The following RYR3 variants were observed in gnomAD, a reference collection of about 807,000 sequenced individuals.
RYR3 encodes brain ryanodine receptor-calcium release channel.
Under a neutral mutation model 584.3 loss-of-function variants are expected in RYR3, and 207 were observed. The ratio of observed to expected loss-of-function variants is 0.35; its 90% confidence interval spans 0.32 to 0.40. The LOEUF is 0.40. RYR3 is among the 10% of genes least tolerant of loss of function. The probability of loss-of-function intolerance (pLI) is 1.00; values close to 1 mark genes in which losing one functional copy is unlikely to be tolerated. For missense variants in RYR3, 5,616 were observed against 6,089.2 expected (o/e 0.92, Z 2.59); for synonymous variants, 2,416 against 2,248.5 (o/e 1.07, Z -2.11).
At chr15:33,798,222 G>A (rs1288940908) in intron 67 of RYR3, among the ~76,000 whole-genome samples, 2 of 151,948 alleles carry the variant, frequency 1.3e-5, no homozygotes, top group African/African-American at 4.8e-5. Context: ...CCAAGTAGCT[G>A]GGATTATAGG....
At chr15:33,387,639 A>C (rs2041701160) in intron 1 of RYR3, among the ~76,000 whole-genome samples, 1 of 142,002 alleles carries the variant, frequency 7.0e-6, no homozygotes, top group African/African-American at 2.6e-5. Flanking sequence ...ACACAAGATG[A>C]ATAGGCAGGA....
intron 3 of RYR3, 98 bp from the exon 4 acceptor site, chr15:33,530,493 CT>C: frequency 1.2e-6 from 1 of 829,240 alleles, no homozygotes. Flanking sequence ...TGCAATGGGT[CT>C]TTTCCTGGTA....
intron 48 of RYR3, among the ~76,000 whole-genome samples, chr15:33,733,373 T>A (rs1247765285): frequency 1.3e-5 from 2 of 152,184 alleles, no homozygotes; most frequent in Non-Finnish European, 2.9e-5. Flanking sequence ...GGCGAATGGA[T>A]AAATAAACTG....
chr15:33,666,325 C>T (rs563545051), intron 36 of RYR3, among the ~76,000 whole-genome samples: 18 of 152,190 alleles, frequency 1.2e-4, no homozygotes, highest in Admixed American at 3.9e-4. Flanking sequence ...GTTTCTAATA[C>T]GGTATGTCTA....
At chr15:33,461,090 A>G (rs971161917) in intron 1 of RYR3, among the ~76,000 whole-genome samples, 17 of 150,898 alleles carry the variant, frequency 1.1e-4, no homozygotes, top group African/African-American at 2.4e-4. Flanking sequence ...AACTACAGGC[A>G]CCCGCCACCA....
chr15:33,794,962 GCCATGCATGCAATC>G (rs2075506169), intron 67 of RYR3, among the ~76,000 whole-genome samples: 1 of 152,144 alleles, frequency 6.6e-6, no homozygotes, highest in African/African-American at 2.4e-5. Context: ...GGACAGCATT[GCCATGCATGCAATC>G]CCATTCTGGT....
Position 33,613,271 on chromosome 15 carries a change from C to T in RYR3, c.2253C>T (p.Pro751=). 1 of 1,613,944 alleles carries T rather than the reference C, an allele frequency of 6.2e-7. No homozygotes were observed. The highest frequency in any genetic ancestry group is 8.5e-7 in the Non-Finnish European group (1 of 1,179,860). Residue 751 remains proline (P), a synonymous_variant, in exon 19 of 104, where the codon CCC becomes CCT. Transcript: ENST00000634891. Reference sequence around the variant, plus strand: ...GCTGCTGCCTGGACCTCGGGGTGCCCAGCATCTCATTCCGCATCAATGGGC... The same window carrying T: ...GCTGCTGCCTGGACCTCGGGGTGCCTAGCATCTCATTCCGCATCAATGGGC... ...VVSCCLDLGV[P]SISFRINGQP... is the part of the protein sequence containing the mutation.
At chr15:33,590,268 C>T (rs918877701) in intron 16 of RYR3, among the ~76,000 whole-genome samples, 1 of 152,168 alleles carries the variant, frequency 6.6e-6, no homozygotes, top group Non-Finnish European at 1.5e-5. Context: ...TTCAGGCCAT[C>T]TGGACATATA....
intron 102 of RYR3, 86 bp downstream of exon 102, chr15:33,861,264 A>G (rs1431888972): frequency 1.0e-5 from 10 of 992,720 alleles, no homozygotes; most frequent in South Asian, 1.4e-5. Context: ...CTGCTGGAAA[A>G]AGAGTAACCA....
At chr15:33,549,068 CGT>C (rs1491521983) in intron 9 of RYR3, among the ~76,000 whole-genome samples, 8 of 71,580 alleles carry the variant, frequency 1.1e-4, no homozygotes, top group South Asian at 4.5e-4. Context: ...CATATGCACA[CGT>C]TTTTTTTTTC....
rs970241872 is a variant in RYR3, at chr15:33,461,646, T to C, written c.52-11773T>C. On this transcript the variant is annotated intron_variant, in intron 1 of 103. Transcript: ENST00000634891. ...TGAGAGGGGAATTAAATAAGAAATATAAGAGTTGCAACATAAAGGGATAAG... is the reference window on the plus strand; with the variant it reads ...TGAGAGGGGAATTAAATAAGAAATACAAGAGTTGCAACATAAAGGGATAAG... 2.0e-5 allele frequency among the ~76,000 whole-genome samples: 3 copies of C among 152,130 alleles called. No homozygotes were observed. In the South Asian group the frequency reaches 6.2e-4, roughly 31 times the overall value.
rs772059314 is a variant in RYR3, at chr15:33,788,394, G to A, written c.9766G>A (p.Ala3256Thr). 7 of 1,613,840 alleles carry A rather than the reference G, an allele frequency of 4.3e-6. No individual in the cohort carries two copies. The highest frequency in any genetic ancestry group is 1.7e-5 in the Admixed American group (1 of 60,004). The change falls in exon 67 of 104, where the codon GCG (alanine) becomes ACG (threonine). Residue 3256 changes from alanine to threonine, a missense_variant. Ala to Thr is a moderately conservative substitution (Grantham distance 58). Transcript: ENST00000634891. ...AGAACTCCTCATCCTGGACGAGTTCGCGGTCCTCTGCAGAGATCTCTATGC... is the reference window on the plus strand; with the variant it reads ...AGAACTCCTCATCCTGGACGAGTTCACGGTCCTCTGCAGAGATCTCTATGC... Reference protein sequence around the residue: ...EAELLILDEFAVLCRDLYAFY... With the variant: ...EAELLILDEFTVLCRDLYAFY...
chr15:33,779,600 G>A (rs2074253150), intron 64 of RYR3, among the ~76,000 whole-genome samples: 1 of 152,166 alleles, frequency 6.6e-6, no homozygotes, highest in South Asian at 2.1e-4. Context: ...GCATTTTTGA[G>A]AACAGGGAAG....
intron 99 of RYR3, among the ~76,000 whole-genome samples, chr15:33,859,287 A>G (rs1263450142): frequency 2.6e-5 from 4 of 152,230 alleles, no homozygotes; most frequent in Admixed American, 2.6e-4. Flanking sequence ...CATAGGCCAT[A>G]CTCATCAAGG....
chr15:33,572,330 TC>T (rs2058066554), intron 12 of RYR3, among the ~76,000 whole-genome samples: 1 of 152,102 alleles, frequency 6.6e-6, no homozygotes, highest in Admixed American at 6.5e-5. Flanking sequence ...CTGAAGGACT[TC>T]CCTTAGTATT....
chr15:33,435,356 A>C (rs553628975), intron 1 of RYR3, among the ~76,000 whole-genome samples: 3 of 152,064 alleles, frequency 2.0e-5, no homozygotes, highest in African/African-American at 7.2e-5. Flanking sequence ...ACGTATAGTG[A>C]TATATATGGT....
intron 66 of RYR3, among the ~76,000 whole-genome samples, 184 bp from the exon 67 acceptor site, chr15:33,788,034 G>T (rs562873095): frequency 1.3e-5 from 2 of 152,292 alleles, no homozygotes; most frequent in African/African-American, 2.4e-5. Context: ...AGTGGCCTCG[G>T]TTCCCCATCC....
intron 3 of RYR3, among the ~76,000 whole-genome samples, chr15:33,528,237 G>C (rs1289631416): frequency 1.3e-5 from 2 of 152,136 alleles, no homozygotes; most frequent in Non-Finnish European, 2.9e-5. Flanking sequence ...GAGCCAGTCA[G>C]TCTGAGCCCT....
At chr15:33,405,996 G>T (rs957464195) in intron 1 of RYR3, among the ~76,000 whole-genome samples, 1 of 152,166 alleles carries the variant, frequency 6.6e-6, no homozygotes, top group Admixed American at 6.5e-5. Flanking sequence ...TCCTGAAAAG[G>T]ACTCTCAGTG....
Sources: gnomAD v4.1 joint callset for allele counts (sites outside exome capture counted in the v4.1 genomes callset) on GRCh38, gnomAD v4.1.1 for gene constraint, MANE v1.5 for transcripts, NCBI Gene and HGNC (gene_info 2026-07-23, HGNC 2026-07-21) for gene names.